LRRC61: variants seen among roughly 807,000 people sequenced by gnomAD.
The protein encoded by LRRC61 is leucine-rich repeat-containing protein 61.
In LRRC61, 9 loss-of-function variants were observed where a neutral mutation model predicts 15.1. That is an observed-to-expected ratio of 0.60 (90% confidence interval 0.36 to 1.04). The LOEUF is 1.04. Ranked by LOEUF, LRRC61 falls within the 50% of genes least tolerant of loss-of-function variation. The probability of loss-of-function intolerance (pLI) is 0.01; values close to 1 mark genes in which losing one functional copy is unlikely to be tolerated. For synonymous variants in LRRC61, 173 were observed against 158.6 expected (o/e 1.09, Z -0.68); for missense variants, 344 against 335.6 (o/e 1.03, Z -0.20).
intron 2 of LRRC61, among the ~76,000 whole-genome samples, chr7:150,329,611 C>T (rs1798042907): frequency 6.6e-6 from 1 of 152,236 alleles, no homozygotes. Flanking sequence ...GGAATTTCCT[C>T]CCTCAGAAGG....
chr7:150,334,187 T>C (rs1798207711), intron 2 of LRRC61: 2 of 888,480 alleles, frequency 2.3e-6, no homozygotes, highest in Admixed American at 6.2e-5. Context: ...ACTGACCCAG[T>C]TCCTCAGGGC....
upstream of LRRC61, among the ~76,000 whole-genome samples, chr7:150,318,411 C>T (rs1042630978): frequency 6.6e-6 from 1 of 152,122 alleles, no homozygotes; most frequent in African/African-American, 2.4e-5. Context: ...TTTAGGCTAC[C>T]CTGTTTGTGG....
chr7:150,311,422 C>A, the LRRC61 span, among the ~76,000 whole-genome samples: 1 of 152,180 alleles, frequency 6.6e-6, no homozygotes, highest in African/African-American at 2.4e-5. Flanking sequence ...ACAAGCTATG[C>A]TCCACTTACC....
At position 150,330,921 on chromosome 7, in the gene LRRC61, A is replaced by G. The variant is rs371370835; in HGVS notation, c.-145+4911A>G. On this transcript the variant is annotated intron_variant, in intron 2 of 2. Transcript: ENST00000359623. The surrounding 1 kb of genome is among the most constrained non-coding windows in gnomAD (Gnocchi z 4.6). ...GAGGGAGAAGGGCTTGCTGGAGAGCATGGGGCTGCTGGCCTCTGAGAGAAG... is the reference window on the plus strand; with the variant it reads ...GAGGGAGAAGGGCTTGCTGGAGAGCGTGGGGCTGCTGGCCTCTGAGAGAAG... 333 of 1,612,860 alleles carry G rather than the reference A, an allele frequency of 2.1e-4. No homozygotes were observed. The highest frequency in any genetic ancestry group is 2.7e-4 in the Non-Finnish European group (317 of 1,179,910).
rs1011470398 is a variant in LRRC61 at position 150,335,701 on chromosome 7, G to A, written c.-144-1017G>A. 2.6e-5 allele frequency among the ~76,000 whole-genome samples: 4 copies of A among 151,016 alleles called. No homozygotes were observed. The highest frequency in any genetic ancestry group is 4.4e-5 in the Non-Finnish European group (3 of 68,028). ...GCCTGGGTGAGACTCCTGGGTCTGG[G>A]CCTGGCCAAAGTCTGCCAGGTTGGG... On this transcript the variant is annotated intron_variant, in intron 2 of 2. Transcript: ENST00000359623. This position sits in a 1 kb window ranked among gnomAD's most constrained non-coding sequence, Gnocchi z 4.3.
At position 150,330,325 on chromosome 7, in the gene LRRC61, T is replaced by G; in HGVS notation, c.-145+4315T>G. On this transcript the variant is annotated intron_variant, in intron 2 of 2. Transcript: ENST00000359623. This position sits in a 1 kb window ranked among gnomAD's most constrained non-coding sequence, Gnocchi z 4.6. The stretch of plus-strand genomic sequence containing the variant: ...CAAGAGTACAAGGGCAGGCACCAGC[T>G]GGGGAAGGCTGGTGTTGCCTTGTCG... The G allele has an allele frequency of 1.4e-6, 1 of 728,090 alleles. No individual in the cohort carries two copies. 45.1% of individuals were successfully genotyped at this position (728,090 alleles called of 1,614,324 possible).
upstream of LRRC61, among the ~76,000 whole-genome samples, chr7:150,321,511 G>A (rs539247524): frequency 3.9e-5 from 6 of 152,284 alleles, no homozygotes; most frequent in South Asian, 8.3e-4. Flanking sequence ...AGGCCAAGGC[G>A]GGCAGATCAC....
chr7:150,329,569 CAA>C (rs1798041586), intron 2 of LRRC61, among the ~76,000 whole-genome samples: 1 of 152,188 alleles, frequency 6.6e-6, no homozygotes, highest in African/African-American at 2.4e-5. Flanking sequence ...TGTGAGGAAA[CAA>C]GATGTGAGTA....
upstream of LRRC61, among the ~76,000 whole-genome samples, chr7:150,318,411 C>G (rs1042630978): frequency 2.0e-5 from 3 of 152,122 alleles, no homozygotes; most frequent in Non-Finnish European, 4.4e-5. Flanking sequence ...TTTAGGCTAC[C>G]CTGTTTGTGG....
At chr7:150,312,264 C>A in the LRRC61 span, among the ~76,000 whole-genome samples, 1 of 152,184 alleles carries the variant, frequency 6.6e-6, no homozygotes, top group Non-Finnish European at 1.5e-5. Context: ...GTTCTTAGAC[C>A]ATGGAAAATT....
chr7:150,331,230 C>T (rs2129618287), intron 2 of LRRC61: 2 of 1,039,446 alleles, frequency 1.9e-6, no homozygotes, highest in Non-Finnish European at 2.8e-6. Context: ...AGTTCCCCAA[C>T]TACACCCCGC....
At chr7:150,328,022 A>G (rs1201255172) in intron 2 of LRRC61, among the ~76,000 whole-genome samples, 7 of 152,278 alleles carry the variant, frequency 4.6e-5, no homozygotes, top group Admixed American at 3.9e-4. Flanking sequence ...GGTGAACCAC[A>G]TTGACTCAGG....
At chr7:150,314,718 G>A in the LRRC61 span, among the ~76,000 whole-genome samples, 1 of 150,602 alleles carries the variant, frequency 6.6e-6, no homozygotes, top group African/African-American at 2.4e-5. Flanking sequence ...TGAGGTGGGT[G>A]GATCCCTTGA....
At chr7:150,326,750 G>A (rs1172597700) in intron 2 of LRRC61, among the ~76,000 whole-genome samples, 1 of 151,534 alleles carries the variant, frequency 6.6e-6, no homozygotes, top group Non-Finnish European at 1.5e-5. Flanking sequence ...AGGCCTGGAT[G>A]TTCACACTCT....
At chr7:150,321,082 G>A (rs1228183091), upstream of LRRC61, among the ~76,000 whole-genome samples, 2 of 152,148 alleles carry the variant, frequency 1.3e-5, no homozygotes, top group African/African-American at 4.8e-5. Flanking sequence ...TGCTGAGTCA[G>A]TTCAGCAAAA....
chr7:150,312,204 T>C, the LRRC61 span, among the ~76,000 whole-genome samples: 4 of 152,198 alleles, frequency 2.6e-5, no homozygotes, highest in African/African-American at 9.7e-5. Context: ...TCCCACCTAC[T>C]CTTCTTCTAA....
rs1563225327 is a variant in LRRC61 at position 150,330,040 on chromosome 7, C to A, written c.-145+4030C>A. The A allele has an allele frequency of 1.3e-5, 3 of 234,544 alleles. No homozygotes were observed. The highest frequency in any genetic ancestry group is 1.4e-3 in the Middle Eastern group (1 of 694). 14.5% of individuals were successfully genotyped at this position (234,544 alleles called of 1,614,324 possible). A position where few individuals can be genotyped will look rare whatever the true frequency, so the allele number is the denominator to read the frequency against. On this transcript the variant is annotated intron_variant, in intron 2 of 2. Transcript: ENST00000359623. This position sits in a 1 kb window ranked among gnomAD's most constrained non-coding sequence, Gnocchi z 4.6. ...CAGGCGGCCAAGGGTGAGGGCTGTT[C>A]CCCCATCCCTTGTTTCGCCCACTGC...
chr7:150,323,963 C>T (rs887823647), intron 1 of LRRC61, among the ~76,000 whole-genome samples: 1 of 152,180 alleles, frequency 6.6e-6, no homozygotes, highest in Non-Finnish European at 1.5e-5. Flanking sequence ...ACAGATCTCA[C>T]TTTGTGTCAT....
chr7:150,329,268 AAG>A (rs1161560991), intron 2 of LRRC61, among the ~76,000 whole-genome samples: 1 of 152,212 alleles, frequency 6.6e-6, no homozygotes, highest in Non-Finnish European at 1.5e-5. Flanking sequence ...GAGAAGAGTA[AAG>A]AGTGAGGGAC....
Sources: gnomAD v4.1 joint callset for allele counts (sites outside exome capture counted in the v4.1 genomes callset) on GRCh38, gnomAD v4.1.1 for gene constraint, Gnocchi (gnomAD v3.1) non-coding constraint, MANE v1.5 for transcripts, NCBI Gene and HGNC (gene_info 2026-07-23, HGNC 2026-07-21) for gene names.